LRRC74A: variants seen among roughly 807,000 people sequenced by gnomAD.
LRRC74A encodes leucine rich repeat containing 74A.
A neutral mutation model predicts 57.9 loss-of-function variants in LRRC74A; 44 were observed. The observed-to-expected ratio is 0.76, with a 90% CI of 0.60 to 0.98. The LOEUF (loss-of-function observed/expected upper bound fraction) is 0.98, where lower values mean the gene tolerates loss of function less well. LRRC74A is among the 50% of genes least tolerant of loss of function. The pLI is 0.00. For synonymous variants in LRRC74A, 211 were observed against 219.4 expected, an observed-to-expected ratio of 0.96 and a Z score of 0.34; for missense variants, 572 against 574.0, an observed-to-expected ratio of 1.00 and a Z score of 0.04.
Position 76,826,723 on chromosome 14 carries a change from C to G in LRRC74A, c.26C>G (p.Pro9Arg). The G allele has an allele frequency of 6.6e-7, 1 of 1,526,682 alleles. No individual in the cohort carries two copies. The allele number at this position is 1,526,682 out of a possible 1,614,324, so 94.6% of individuals were successfully genotyped here. The change falls in exon 1 of 14, where the codon CCT becomes CGT. Residue 9 changes from proline (P) to arginine (R), a missense_variant. By Grantham distance (103) the Pro-to-Arg change is moderately radical. Transcript: ENST00000689127. The part of the protein sequence containing the change: MDNDKPLQ[P>R]ETEDEIEIEP... ...ATGGACAATGACAAGCCTCTTCAGC[C>G]TGAGACAGAAGGTGAAAGGGCATCC...
intron 11 of LRRC74A, among the ~76,000 whole-genome samples, chr14:76,864,098 G>GT (rs1362432950): frequency 6.6e-6 from 1 of 152,216 alleles, no homozygotes; most frequent in East Asian, 1.9e-4. Flanking sequence ...GGGTGCCGAG[G>GT]GCTCACCCAT....
intron 3 of LRRC74A, among the ~76,000 whole-genome samples, chr14:76,832,720 T>C (rs923395474): frequency 1.3e-5 from 2 of 152,222 alleles, no homozygotes; most frequent in Non-Finnish European, 2.9e-5. Context: ...TGCATGCTTT[T>C]GGTGAGTCAG....
intron 4 of LRRC74A, among the ~76,000 whole-genome samples, chr14:76,837,605 A>G (rs1376642235): frequency 6.6e-6 from 1 of 152,204 alleles, no homozygotes; most frequent in East Asian, 1.9e-4. Flanking sequence ...CTAAATTGGG[A>G]AAACAGGGAG....
chr14:76,866,245 C>T (rs538205987), intron 12 of LRRC74A, among the ~76,000 whole-genome samples, 170 bp downstream of exon 12: 2 of 152,252 alleles, frequency 1.3e-5, no homozygotes, highest in South Asian at 4.2e-4. Flanking sequence ...CAGAGGGGAA[C>T]CTAAGACCTC....
intron 9 of LRRC74A, among the ~76,000 whole-genome samples, chr14:76,855,469 A>T (rs1301806965): frequency 6.6e-6 from 1 of 152,244 alleles, no homozygotes; most frequent in Admixed American, 6.5e-5. Context: ...GACCATATGT[A>T]ATGAATATAT....
chr14:76,853,455 GTGTGTGTT>G (rs1897664762), intron 9 of LRRC74A, 45 bp downstream of exon 9: 1 of 1,440,266 alleles, frequency 6.9e-7, no homozygotes, highest in Admixed American at 2.2e-5. Flanking sequence ...GTGTGTGTGT[GTGTGTGTT>G]TGTGTATGTG....
intron 10 of LRRC74A, among the ~76,000 whole-genome samples, chr14:76,857,760 G>T: frequency 6.6e-6 from 1 of 152,222 alleles, no homozygotes; most frequent in Non-Finnish European, 1.5e-5. Context: ...CAAAAAGAAA[G>T]GCAGGAGGAC....
At chr14:76,837,427 A>G (rs970078978) in intron 4 of LRRC74A, among the ~76,000 whole-genome samples, 4 of 152,222 alleles carry the variant, frequency 2.6e-5, no homozygotes, top group African/African-American at 9.6e-5. Context: ...AGTCTCTCCC[A>G]CTAGCTTAAA....
At chr14:76,843,613 G>T (rs759635586) in intron 5 of LRRC74A, among the ~76,000 whole-genome samples, 1 of 152,108 alleles carries the variant, frequency 6.6e-6, no homozygotes, top group Non-Finnish European at 1.5e-5. Flanking sequence ...TAAAAGAGAG[G>T]GTAAACAGTT....
chr14:76,838,095 T>C, intron 5 of LRRC74A, 124 bp downstream of exon 5: 1 of 642,086 alleles, frequency 1.6e-6, no homozygotes, highest in Non-Finnish European at 2.7e-6. Flanking sequence ...ACCAGAATAC[T>C]GCATCTATGC....
intron 3 of LRRC74A, among the ~76,000 whole-genome samples, chr14:76,832,522 G>T (rs1896042475): frequency 6.6e-6 from 1 of 152,280 alleles, no homozygotes; most frequent in Admixed American, 6.5e-5. Flanking sequence ...TGCCCAGGCT[G>T]GTCTCAAACT....
At chr14:76,850,987 G>T (rs948513840) in intron 7 of LRRC74A, among the ~76,000 whole-genome samples, 1 of 152,088 alleles carries the variant, frequency 6.6e-6, no homozygotes, top group Non-Finnish European at 1.5e-5. Flanking sequence ...TCCATCAATG[G>T]CCTCCTTGGC....
intron 5 of LRRC74A, 30 bp from the exon 6 acceptor site, chr14:76,844,393 T>C (rs1191301361): frequency 6.2e-7 from 1 of 1,605,572 alleles, no homozygotes; most frequent in Non-Finnish European, 8.5e-7. Context: ...GGTCTAGCAG[T>C]GCATCACTGA....
chr14:76,828,243 C>T, intron 1 of LRRC74A, 48 bp from the exon 2 acceptor site: 1 of 1,546,586 alleles, frequency 6.5e-7, no homozygotes, highest in Non-Finnish European at 8.7e-7. Context: ...TATTGGGAGG[C>T]CAGCAAGTTT....
At position 76,826,627 on chromosome 14, in the gene LRRC74A, G is replaced by A; in HGVS notation, c.-71G>A. 6.2e-7 allele frequency: 1 copy of A among 1,611,308 alleles called. No individual in the cohort carries two copies. The highest frequency in any genetic ancestry group is 8.5e-7 in the Non-Finnish European group (1 of 1,178,822). ...GTTTGAGACAGAGGTGAATGGACAGGTGTGCTTCTTAGGGAAGCAGTCGAG... is the reference window on the plus strand; with the variant it reads ...GTTTGAGACAGAGGTGAATGGACAGATGTGCTTCTTAGGGAAGCAGTCGAG... On this transcript the variant is annotated 5_prime_UTR_variant, in exon 1 of 14. It adds an upstream start codon to the 5' untranslated region. Transcript: ENST00000689127.
At chr14:76,851,867 T>C (rs1897521954) in intron 7 of LRRC74A, among the ~76,000 whole-genome samples, 2 of 151,958 alleles carry the variant, frequency 1.3e-5, no homozygotes, top group African/African-American at 4.8e-5. Flanking sequence ...AGTTTCACCA[T>C]GTTGGCCAGG....
chr14:76,858,968 C>T (rs1028698668), intron 10 of LRRC74A, among the ~76,000 whole-genome samples: 2 of 152,178 alleles, frequency 1.3e-5, no homozygotes, highest in Non-Finnish European at 2.9e-5. Context: ...TTACTTGCCA[C>T]GGATTTTGAG....
intron 1 of LRRC74A, among the ~76,000 whole-genome samples, chr14:76,827,676 T>A (rs117152712): frequency 0.016 from 2,503 of 152,300 alleles, 33 homozygotes; most frequent in Non-Finnish European, 0.023. Flanking sequence ...TTAATCATAG[T>A]AATTCATTTC....
At chr14:76,859,333 G>A (rs9743855) in intron 10 of LRRC74A, among the ~76,000 whole-genome samples, 18 of 152,020 alleles carry the variant, frequency 1.2e-4, no homozygotes, top group Non-Finnish European at 1.8e-4. Context: ...TCAAGAGTTC[G>A]AGACCAGCCT....
Sources: allele counts gnomAD v4.1 joint callset (sites outside exome capture counted in the v4.1 genomes callset), GRCh38; gene constraint gnomAD v4.1.1; transcripts MANE v1.5; gene names NCBI Gene and HGNC (gene_info 2026-07-23, HGNC 2026-07-21).